Variants in PRDM5 observed in about 807,000 individuals in gnomAD.
PRDM5 encodes PR domain zinc finger protein 5.
A neutral mutation model predicts 81.2 loss-of-function variants in PRDM5; 56 were observed. The observed-to-expected ratio is 0.69, with a 90% CI of 0.56 to 0.86. The LOEUF (loss-of-function observed/expected upper bound fraction) is 0.86, where lower values mean the gene tolerates loss of function less well. Among genes scored for constraint, PRDM5 ranks in the 40% least tolerant of loss-of-function variants. The probability of loss-of-function intolerance (pLI) is 0.00; values close to 1 mark genes in which losing one functional copy is unlikely to be tolerated. For missense variants in PRDM5, 697 were observed against 770.1 expected, an observed-to-expected ratio of 0.91 and a Z score of 1.12; for synonymous variants, 267 against 256.4, an observed-to-expected ratio of 1.04 and a Z score of -0.39.
intron 13 of PRDM5, among the ~76,000 whole-genome samples, chr4:120,757,301 G>C (rs1744891601): frequency 6.6e-6 from 1 of 152,092 alleles, no homozygotes; most frequent in Non-Finnish European, 1.5e-5. Context: ...TTTGAATACT[G>C]TTCATCCTCC....
intron 13 of PRDM5, among the ~76,000 whole-genome samples, chr4:120,755,504 T>C (rs763868139): frequency 6.6e-6 from 1 of 152,164 alleles, no homozygotes; most frequent in Non-Finnish European, 1.5e-5. Context: ...TGTAAAACTT[T>C]TGTCTTCCCT....
intron 14 of PRDM5, among the ~76,000 whole-genome samples, chr4:120,713,193 C>A (rs955342276): frequency 5.9e-5 from 9 of 152,094 alleles, no homozygotes; most frequent in Admixed American, 1.3e-4. Flanking sequence ...TTTGACATGA[C>A]CTTTTCTATC....
chr4:120,836,760 T>C (rs1757406699), intron 3 of PRDM5, among the ~76,000 whole-genome samples: 1 of 152,202 alleles, frequency 6.6e-6, no homozygotes, highest in South Asian at 2.1e-4. Flanking sequence ...AAGCTCTTTG[T>C]TCCACCACTT....
At chr4:120,898,432 T>C (rs777786749) in intron 2 of PRDM5, among the ~76,000 whole-genome samples, 15 of 152,218 alleles carry the variant, frequency 9.9e-5, no homozygotes, top group East Asian at 1.9e-4. Context: ...CCAAAAGCTC[T>C]ACCTATTTCT....
exon 2 of PRDM5, chr4:120,684,979 G>C (rs189951503): frequency 6.6e-6 from 1 of 151,500 alleles, no homozygotes; most frequent in Non-Finnish European, 1.5e-5. Context: ...GACAAATTTC[G>C]GTTTCTTAAT....
chr4:120,748,652 A>G (rs892608469), intron 14 of PRDM5, among the ~76,000 whole-genome samples: 1 of 151,902 alleles, frequency 6.6e-6, no homozygotes, highest in African/African-American at 2.4e-5. Flanking sequence ...CAAAAAAAAA[A>G]AAAATTCCCC....
intron 1 of PRDM5, among the ~76,000 whole-genome samples, chr4:120,907,983 C>T (rs890398516): frequency 3.3e-5 from 5 of 152,218 alleles, no homozygotes; most frequent in Non-Finnish European, 5.9e-5. Context: ...ACAAGAAGGA[C>T]GTGGGCTTGG....
intron 13 of PRDM5, among the ~76,000 whole-genome samples, chr4:120,773,511 G>C (rs896455407): frequency 3.3e-5 from 5 of 152,122 alleles, no homozygotes; most frequent in African/African-American, 1.2e-4. Context: ...TATTTTCCAA[G>C]TTACCTGTAA....
intron 3 of PRDM5, among the ~76,000 whole-genome samples, chr4:120,851,369 T>C (rs1759245307): frequency 6.6e-6 from 1 of 151,270 alleles, no homozygotes; most frequent in South Asian, 2.1e-4. Context: ...TAAATTAAAA[T>C]ATTGACATAA....
chr4:120,789,766 G>A (rs1029404156), intron 10 of PRDM5, among the ~76,000 whole-genome samples: 2 of 152,132 alleles, frequency 1.3e-5, no homozygotes, highest in African/African-American at 4.8e-5. Flanking sequence ...AAAATAAATT[G>A]AAACTGGAAA....
intron 13 of PRDM5, among the ~76,000 whole-genome samples, chr4:120,759,566 A>G (rs1429765624): frequency 3.3e-5 from 5 of 152,230 alleles, no homozygotes; most frequent in African/African-American, 9.6e-5. Flanking sequence ...TGCATATGAT[A>G]TTTGCCTTCA....
intron 14 of PRDM5, among the ~76,000 whole-genome samples, chr4:120,745,776 TAA>T (rs1742893310): frequency 6.9e-6 from 1 of 144,452 alleles, no homozygotes; most frequent in African/African-American, 2.7e-5. Flanking sequence ...CTCAAGGAAA[TAA>T]AAGAGGATAC....
intron 14 of PRDM5, among the ~76,000 whole-genome samples, chr4:120,726,469 G>A (rs1177899235): frequency 6.6e-6 from 1 of 152,160 alleles, no homozygotes; most frequent in Non-Finnish European, 1.5e-5. Context: ...ATGTTAACCT[G>A]TAAGAAAAGA....
At chr4:120,905,900 T>C (rs1042761548) in intron 2 of PRDM5, among the ~76,000 whole-genome samples, 5 of 152,166 alleles carry the variant, frequency 3.3e-5, no homozygotes, top group African/African-American at 2.4e-5. Context: ...CAACAGTGAC[T>C]ATACATACAA....
rs556733379 is a variant in PRDM5 at position 120,819,681 on chromosome 4, A to G, written c.476-1154T>C. On this transcript the variant is annotated intron_variant, in intron 4 of 15. Coordinates refer to ENST00000264808, the MANE Select transcript of PRDM5 (RefSeq NM_018699.4). ...AGCAGAAATCAGGGCAGTAATAGGT[A>G]AGTAGATTACTTATTTTTAAATTAA... is the stretch of plus-strand genomic sequence containing the variant. Among the ~76,000 whole-genome samples the G allele has an allele frequency of 1.2e-4, 19 of 152,306 alleles. No homozygotes were observed. The East Asian group carries it at 1.5e-3, about 12-fold the overall frequency.
At chr4:120,889,771 C>A (rs1763840417) in intron 2 of PRDM5, among the ~76,000 whole-genome samples, 2 of 152,134 alleles carry the variant, frequency 1.3e-5, no homozygotes, top group Admixed American at 1.3e-4. Context: ...TTCTCCATGT[C>A]TACTCATGTC....
chr4:120,893,601 T>C (rs1764299885), intron 2 of PRDM5, among the ~76,000 whole-genome samples: 1 of 152,266 alleles, frequency 6.6e-6, no homozygotes, highest in Non-Finnish European at 1.5e-5. Context: ...GTCTTTTGTA[T>C]TAATTGTATT....
chr4:120,707,291 A>C (rs1278604563), intron 15 of PRDM5, among the ~76,000 whole-genome samples: 1 of 151,700 alleles, frequency 6.6e-6, no homozygotes, highest in Non-Finnish European at 1.5e-5. Flanking sequence ...AAATCAAACA[A>C]AGTAATACAT....
At chr4:120,846,091 T>G (rs1363378794) in intron 3 of PRDM5, among the ~76,000 whole-genome samples, 2 of 152,172 alleles carry the variant, frequency 1.3e-5, no homozygotes, top group African/African-American at 2.4e-5. Context: ...TCCTTACAGA[T>G]GAACAAAGAA....
Sources: gnomAD v4.1 joint callset for allele counts (sites outside exome capture counted in the v4.1 genomes callset) on GRCh38, gnomAD v4.1.1 for gene constraint, MANE v1.5 for transcripts, NCBI Gene and HGNC (gene_info 2026-07-23, HGNC 2026-07-21) for gene names.